PCNX4: variants seen among roughly 807,000 people sequenced by gnomAD.
The protein encoded by PCNX4 is pecanex 4.
A neutral mutation model predicts 107.2 loss-of-function variants in PCNX4; 103 were observed. That is an observed-to-expected ratio of 0.96 (90% CI 0.82 to 1.13). The LOEUF (loss-of-function observed/expected upper bound fraction) is 1.13, where lower values mean the gene tolerates loss of function less well. PCNX4 is among the 50% of genes most tolerant of loss of function. PCNX4 has a pLI of 0.00. For synonymous variants in PCNX4, 541 were observed against 481.7 expected (o/e 1.12, Z -1.61); for missense variants, 1,528 against 1,379.4 (o/e 1.11, Z -1.71).
At chr14:60,128,933 C>T (rs1896104444) in intron 10 of PCNX4, among the ~76,000 whole-genome samples, 1 of 152,094 alleles carries the variant, frequency 6.6e-6, no homozygotes, top group South Asian at 2.1e-4. Context: ...TAACATAAGG[C>T]TGGGCGCAGT....
At chr14:60,106,062 A>G (rs1484198516) in intron 1 of PCNX4, among the ~76,000 whole-genome samples, 2 of 152,056 alleles carry the variant, frequency 1.3e-5, no homozygotes, top group Non-Finnish European at 2.9e-5. Flanking sequence ...ACGTCAGTGC[A>G]GGAGACAAGC....
At chr14:60,095,679 T>G (rs1397102241) in intron 1 of PCNX4, among the ~76,000 whole-genome samples, 3 of 152,112 alleles carry the variant, frequency 2.0e-5, no homozygotes, top group Admixed American at 6.5e-5. Context: ...CAGGTTGGTT[T>G]TTCCTCCCTT....
intron 10 of PCNX4, among the ~76,000 whole-genome samples, chr14:60,132,324 G>A (rs1168247620): frequency 1.3e-5 from 2 of 152,146 alleles, no homozygotes; most frequent in African/African-American, 4.8e-5. Context: ...CCTAAATCCA[G>A]GATGATCTCA....
chr14:60,109,083 A>G (rs75449785), intron 2 of PCNX4: 3,780 of 167,080 alleles, frequency 0.023, 72 homozygotes, highest in South Asian at 0.049. Context: ...GGTCCTTGGT[A>G]TGATGGGACT....
intron 2 of PCNX4, among the ~76,000 whole-genome samples, chr14:60,113,153 C>T (rs1195264171): frequency 1.3e-5 from 2 of 152,172 alleles, no homozygotes; most frequent in African/African-American, 2.4e-5. Flanking sequence ...TGCACTCCAT[C>T]CTGGGGACAG....
rs1896216005 is a variant in PCNX4 at position 60,134,687 on chromosome 14, T to C, written c.*466T>C. 1 of 152,496 alleles carries C rather than the reference T, an allele frequency of 6.6e-6. No homozygotes were observed. 9.4% of individuals were successfully genotyped at this position (152,496 alleles called of 1,614,324 possible). A position where few individuals can be genotyped will look rare whatever the true frequency, so the allele number is the denominator to read the frequency against. ...GTTTGAAATATAATTTATAGTATTTTCAAATGTGCTGATTTATTTTGACAT... is the reference window on the plus strand; with the variant it reads ...GTTTGAAATATAATTTATAGTATTTCCAAATGTGCTGATTTATTTTGACAT... On this transcript the variant is annotated 3_prime_UTR_variant, in exon 11 of 11. Transcript: ENST00000406854.
chr14:60,131,807 A>T (rs1003424644), intron 10 of PCNX4, among the ~76,000 whole-genome samples: 1 of 152,252 alleles, frequency 6.6e-6, no homozygotes, highest in African/African-American at 2.4e-5. Flanking sequence ...TACGTGAAAC[A>T]ATAATCAAAA....
intron 2 of PCNX4, chr14:60,110,817 A>T (rs1187283969): frequency 1.8e-5 from 3 of 167,096 alleles, no homozygotes; most frequent in African/African-American, 7.2e-5. Context: ...TTTGGAAAGG[A>T]CATGAGTTTT....
At position 60,118,341 on chromosome 14, in the gene PCNX4, C is replaced by T. The variant is rs773266496; in HGVS notation, c.1591C>T (p.Arg531Cys). The T allele has an allele frequency of 3.7e-5, 59 of 1,609,486 alleles. No homozygotes were observed. In the Middle Eastern group the frequency reaches 1.5e-3, roughly 41 times the overall value. ...TACATTTCTACAGGTTGGTATCATACGTGATCGTTTGATTCAGTTCATCTC... is the reference window on the plus strand; with the variant it reads ...TACATTTCTACAGGTTGGTATCATATGTGATCGTTTGATTCAGTTCATCTC... The part of the protein sequence containing the change: ...GLRLLLVGII[R>C]DRLIQFISKL... The change falls in exon 7 of 11, where the codon CGT becomes TGT. Residue 531 changes from arginine to cysteine, a missense_variant. Coordinates refer to ENST00000406854, the MANE Select transcript of PCNX4 (RefSeq NM_001330177.2).
Position 60,107,871 on chromosome 14 carries a change from G to T in PCNX4, c.233G>T (p.Gly78Val). 1 of 1,612,856 alleles carries T rather than the reference G, an allele frequency of 6.2e-7. No homozygotes were observed. The highest frequency in any genetic ancestry group is 8.5e-7 in the Non-Finnish European group (1 of 1,179,890). ...TATTATACAGCAGCACTTTCAGGTG[G>T]ATTAATGCTTTTTACTGCATTTGTC... The part of the protein sequence containing the change: ...KDYYTAALSG[G>V]LMLFTAFVIQ... Residue 78 changes from glycine to valine, a missense_variant, in exon 2 of 11, where the codon GGA becomes GTA. By Grantham distance (109) the Gly-to-Val change is moderately radical. Coordinates refer to ENST00000406854, the MANE Select transcript of PCNX4 (RefSeq NM_001330177.2).
rs1441202399 is a variant in PCNX4 at position 60,125,266 on chromosome 14, T to C, written c.3080+15T>C. 2.0e-6 allele frequency: 3 copies of C among 1,521,652 alleles called. No individual in the cohort carries two copies. The highest frequency in any genetic ancestry group is 2.6e-6 in the Non-Finnish European group (3 of 1,137,500). The allele number at this position is 1,521,652 out of a possible 1,614,324, so 94.3% of individuals were successfully genotyped here. On this transcript the variant is annotated intron_variant, in intron 9 of 10. Transcript: ENST00000406854. ...AAAGCATTCAGGTAATCCATTTTGA[T>C]CATATGTAAGTTATAACATTGTTGG...
rs376702124 is a variant in PCNX4, at chr14:60,108,088, G to A, written c.450G>A (p.Ala150=). The change falls in exon 2 of 11, where the codon GCG becomes GCA. Residue 150 remains alanine (A), a synonymous_variant. Coordinates refer to ENST00000406854, the MANE Select transcript of PCNX4 (RefSeq NM_001330177.2). ...TTCATTCTATTCTTGCTGGATTAGC[G>A]TGTGGTCTTGGAACATGGTATCTGC... The part of the protein sequence containing the change: ...TVFHSILAGL[A]CGLGTWYLLP... The A allele has an allele frequency of 8.8e-4, 1,416 of 1,612,812 alleles. No individual in the cohort carries two copies. The highest frequency in any genetic ancestry group is 1.1e-3 in the Non-Finnish European group (1,256 of 1,179,858).
chr14:60,129,088 TGCCTGTAATCCCAGCTACTCGGGC>T (rs1228839110), intron 10 of PCNX4, among the ~76,000 whole-genome samples: 11 of 151,806 alleles, frequency 7.2e-5, no homozygotes, highest in Middle Eastern at 3.4e-3. Context: ...TGGTGGTGGG[TGCCTGTAATCCCAGCTACTCGGGC>T]GCCTGTAATC....
At chr14:60,115,568 GT>G (rs1193295873) in intron 4 of PCNX4, 107 bp downstream of exon 4, 12 of 1,411,908 alleles carry the variant, frequency 8.5e-6, no homozygotes, top group Non-Finnish European at 1.0e-5. Flanking sequence ...ATATACAAGT[GT>G]TTGTTCTTTT....
At chr14:60,102,772 A>G (rs1255656935) in intron 1 of PCNX4, among the ~76,000 whole-genome samples, 1 of 152,188 alleles carries the variant, frequency 6.6e-6, no homozygotes, top group Non-Finnish European at 1.5e-5. Flanking sequence ...GGGAATTAAT[A>G]GTCTTTCAGA....
chr14:60,127,966 A>AG (rs1896085636), intron 10 of PCNX4, among the ~76,000 whole-genome samples: 1 of 152,220 alleles, frequency 6.6e-6, no homozygotes, highest in Non-Finnish European at 1.5e-5. Context: ...AAATTCCACT[A>AG]GAGGGGCTCA....
chr14:60,132,126 A>C (rs568136978), intron 10 of PCNX4, among the ~76,000 whole-genome samples: 26 of 152,252 alleles, frequency 1.7e-4, no homozygotes, highest in African/African-American at 6.0e-4. Context: ...CGCTTCCTCT[A>C]ACGGCTCTAG....
rs368195218 is a variant in PCNX4, at chr14:60,137,019, A to G, written c.*2798A>G. The G allele has an allele frequency of 1.3e-5, 2 of 152,264 alleles. No homozygotes were observed. The highest frequency in any genetic ancestry group is 2.4e-5 in the African/African-American group (1 of 41,464). The allele number at this position is 152,264 out of a possible 1,614,324, so 9.4% of individuals were successfully genotyped here. On this transcript the variant is annotated 3_prime_UTR_variant, in exon 11 of 11. Transcript: ENST00000406854. ...CCCTAAAACCTACTTTTCTACTTCTAACTTTTAGTGGTGCATTCATACCAA... is the reference window on the plus strand; with the variant it reads ...CCCTAAAACCTACTTTTCTACTTCTGACTTTTAGTGGTGCATTCATACCAA...
At position 60,121,161 on chromosome 14, in the gene PCNX4, C is replaced by CTTTTT. The variant is rs747483127; in HGVS notation, c.1943-19_1943-15dup. ...ATAAAAGAAGTTTGAAAATGATTTT[C>CTTTTT]TTTTTTTTTTTTTTTTTTTTCTAAT... On this transcript the variant is annotated intron_variant, in intron 7 of 10. Coordinates refer to ENST00000406854, the MANE Select transcript of PCNX4 (RefSeq NM_001330177.2). 2.0e-4 allele frequency: 223 copies of CTTTTT among 1,102,962 alleles called. 1 individual carries two copies. The highest frequency in any genetic ancestry group is 5.1e-4 in the South Asian group (29 of 57,008). The allele number at this position is 1,102,962 out of a possible 1,614,324, so 68.3% of individuals were successfully genotyped here. A position where few individuals can be genotyped will look rare whatever the true frequency, so the allele number is the denominator to read the frequency against.
Sources: allele counts gnomAD v4.1 joint callset (sites outside exome capture counted in the v4.1 genomes callset), GRCh38; gene constraint gnomAD v4.1.1; transcripts MANE v1.5; gene names NCBI Gene and HGNC (gene_info 2026-07-23, HGNC 2026-07-21).